The following SPATA6 variants were observed in gnomAD, a reference collection of about 807,000 sequenced individuals.
The protein encoded by SPATA6 is spermatogenesis-associated protein 6.
In SPATA6, 56 loss-of-function variants were observed where a neutral mutation model predicts 65.3. The ratio of observed to expected loss-of-function variants is 0.86; its 90% CI spans 0.69 to 1.07. The LOEUF (loss-of-function observed/expected upper bound fraction) is 1.07. Among genes scored for constraint, SPATA6 ranks in the 50% least tolerant of loss-of-function variants. The pLI is 0.00. For synonymous variants in SPATA6, 199 were observed against 213.2 expected, an observed-to-expected ratio of 0.93 and a Z score of 0.58; for missense variants, 590 against 594.8, an observed-to-expected ratio of 0.99 and a Z score of 0.08.
chr1:48,355,857 C>A (rs1646645126), intron 10 of SPATA6, 88 bp from the exon 11 acceptor site: 2 of 988,418 alleles, frequency 2.0e-6, no homozygotes, highest in East Asian at 5.1e-5. Flanking sequence ...GTATGTTCAA[C>A]AAATAGTCTT....
In SPATA6 at chr1:48,387,403, C is replaced by T. The variant is rs115167072; in HGVS notation, c.869-2054G>A. On this transcript the variant is annotated intron_variant, in intron 8 of 12. Coordinates refer to ENST00000371847, the MANE Select transcript of SPATA6 (RefSeq NM_019073.4). ...GACTGTGCACTATCCTGAAGCCCAG[C>T]AGCACTGGGGCTGAGGCATAAGTGC... 8.6e-3 allele frequency among the ~76,000 whole-genome samples: 1,305 copies of T among 152,326 alleles called. 22 individuals carry two copies. Among genetic ancestry groups the T allele is most frequent in the African/African-American group, 0.03 (1,264 of 41,568 alleles).
chr1:48,464,812 G>T (rs1320208658), intron 1 of SPATA6, among the ~76,000 whole-genome samples: 1 of 152,102 alleles, frequency 6.6e-6, no homozygotes, highest in Non-Finnish European at 1.5e-5. Flanking sequence ...GCAATCTGGG[G>T]TTCTGATAAT....
chr1:48,321,738 G>C (rs1249460939), intron 11 of SPATA6, among the ~76,000 whole-genome samples: 1 of 152,110 alleles, frequency 6.6e-6, no homozygotes, highest in Non-Finnish European at 1.5e-5. Flanking sequence ...TCAGCACATG[G>C]ATCATTCTCA....
intron 3 of SPATA6, among the ~76,000 whole-genome samples, chr1:48,432,302 T>C (rs1654476793): frequency 6.6e-6 from 1 of 152,078 alleles, no homozygotes; most frequent in Non-Finnish European, 1.5e-5. Context: ...TAGGACTCCA[T>C]GAAAATGTTA....
intron 11 of SPATA6, among the ~76,000 whole-genome samples, chr1:48,308,854 T>A (rs1357815793): frequency 6.6e-6 from 1 of 152,122 alleles, no homozygotes; most frequent in African/African-American, 2.4e-5. Flanking sequence ...CCTTGCTGCT[T>A]TTAAGATTCT....
the SPATA6 span, among the ~76,000 whole-genome samples, chr1:48,261,533 TA>T: frequency 6.6e-6 from 1 of 152,082 alleles, no homozygotes; most frequent in Non-Finnish European, 1.5e-5. Flanking sequence ...AGATTCTATG[TA>T]AACATCACTA....
At chr1:48,272,975 G>C in the SPATA6 span, among the ~76,000 whole-genome samples, 4 of 151,892 alleles carry the variant, frequency 2.6e-5, no homozygotes, top group Non-Finnish European at 4.4e-5. Flanking sequence ...TTGTAATTTC[G>C]GTATTAAGGT....
intron 3 of SPATA6, 121 bp downstream of exon 3, chr1:48,451,431 C>T (rs1327438234): frequency 3.8e-5 from 28 of 742,194 alleles, no homozygotes; most frequent in Middle Eastern, 2.6e-4. Context: ...AGTCTCAGCT[C>T]AAGATTTTTA....
At chr1:48,428,358 G>A (rs1654036952) in intron 3 of SPATA6, among the ~76,000 whole-genome samples, 1 of 152,172 alleles carries the variant, frequency 6.6e-6, no homozygotes, top group Non-Finnish European at 1.5e-5. Flanking sequence ...GAAGCCTGAG[G>A]CAGGAGAATC....
chr1:48,467,276 C>T (rs1657881135), intron 1 of SPATA6, among the ~76,000 whole-genome samples: 1 of 151,998 alleles, frequency 6.6e-6, no homozygotes, highest in African/African-American at 2.4e-5. Context: ...GATGAGATTA[C>T]CACTAACACA....
At chr1:48,325,996 A>G in intron 11 of SPATA6, 1 of 208,424 alleles carries the variant, frequency 4.8e-6, no homozygotes, top group South Asian at 9.7e-5. Context: ...CTTTTCACCA[A>G]TAATCAGTTT....
chr1:48,363,689 A>G (rs1465917251), intron 9 of SPATA6, among the ~76,000 whole-genome samples: 1 of 152,044 alleles, frequency 6.6e-6, no homozygotes, highest in Non-Finnish European at 1.5e-5. Flanking sequence ...TGCTAAAATG[A>G]ATCAAGATGA....
intron 12 of SPATA6, among the ~76,000 whole-genome samples, chr1:48,304,608 C>T (rs1369603047): frequency 2.0e-5 from 3 of 152,128 alleles, no homozygotes; most frequent in Non-Finnish European, 4.4e-5. Context: ...CCTCCCAAAG[C>T]ACTGGGATTA....
chr1:48,457,658 T>G (rs1448270897), intron 1 of SPATA6, among the ~76,000 whole-genome samples: 1 of 152,124 alleles, frequency 6.6e-6, no homozygotes, highest in Middle Eastern at 3.2e-3. Flanking sequence ...AAAAATTTTC[T>G]TTCAAAAAGG....
chr1:48,371,882 C>T (rs1647320425), intron 9 of SPATA6, among the ~76,000 whole-genome samples: 2 of 152,096 alleles, frequency 1.3e-5, no homozygotes, highest in Non-Finnish European at 2.9e-5. Context: ...AGCAGAAACC[C>T]CTGATAAACC....
Position 48,453,074 on chromosome 1 carries a change from C to T in SPATA6, c.109G>A (p.Val37Met). Residue 37 changes from valine (V) to methionine (M), a missense_variant, in exon 2 of 13, where the codon GTG becomes ATG. Transcript: ENST00000371847. ...TGTGTCTTTTTGTATTGGCCAAACA[C>T]ACAGATGCTAAGATAGATGTCCTCT... ...DKEDIYLSIC[V>M]FGQYKKTQCV... 6.2e-7 allele frequency: 1 copy of T among 1,614,036 alleles called. No homozygotes were observed. The highest frequency in any genetic ancestry group is 8.5e-7 in the Non-Finnish European group (1 of 1,179,976).
At chr1:48,309,594 A>G (rs1344256456) in intron 11 of SPATA6, among the ~76,000 whole-genome samples, 1 of 152,184 alleles carries the variant, frequency 6.6e-6, no homozygotes, top group Non-Finnish European at 1.5e-5. Context: ...AACTATATTT[A>G]ACATAACTGA....
the SPATA6 span, among the ~76,000 whole-genome samples, chr1:48,272,820 A>T: frequency 2.0e-5 from 3 of 152,156 alleles, no homozygotes; most frequent in Non-Finnish European, 4.4e-5. Flanking sequence ...GATAGTAGCC[A>T]TTCTAACCTG....
chr1:48,335,498 C>T (rs1334567111), intron 11 of SPATA6, among the ~76,000 whole-genome samples: 1 of 152,030 alleles, frequency 6.6e-6, no homozygotes, highest in Non-Finnish European at 1.5e-5. Flanking sequence ...CACCTACAGC[C>T]ATCTGATCTT....
Sources: allele counts gnomAD v4.1 joint callset (sites outside exome capture counted in the v4.1 genomes callset), GRCh38; gene constraint gnomAD v4.1.1; transcripts MANE v1.5; gene names NCBI Gene and HGNC (gene_info 2026-07-23, HGNC 2026-07-21).